The following ROBO2 variants were observed in gnomAD, a reference collection of about 807,000 sequenced individuals.
The protein encoded by ROBO2 is roundabout guidance receptor 2.
ROBO2 carries 53 observed loss-of-function variants against 160.8 expected under a neutral mutation model. The ratio of observed to expected loss-of-function variants is 0.33; its 90% confidence interval spans 0.26 to 0.41. The LOEUF is 0.41. Ranked by LOEUF, ROBO2 falls within the 10% of genes least tolerant of loss-of-function variation. The pLI is 1.00. For missense variants in ROBO2, 1,577 were observed against 1,722.4 expected, an observed-to-expected ratio of 0.92 and a Z score of 1.49; for synonymous variants, 664 against 611.7, an observed-to-expected ratio of 1.09 and a Z score of -1.26.
chr3:77,086,604 C>T lies in ROBO2; in HGVS notation c.62-11410C>T, dbSNP rs552281416. On this transcript the variant is annotated intron_variant, in intron 1 of 25. Coordinates refer to ENST00000461745, the Ensembl canonical transcript of ROBO2. ...AAACCAATCCATGATTTATGAATCA[C>T]ATTTTTACAAATAATGGAGTAATGC... Among the ~76,000 whole-genome samples the T allele has an allele frequency of 2.6e-5, 4 of 152,240 alleles. No homozygotes were observed. The South Asian group carries it at 8.3e-4, about 32-fold the overall frequency.
chr3:76,377,000 T>C (rs2076380804), intron 2 of ROBO2, among the ~76,000 whole-genome samples: 1 of 152,166 alleles, frequency 6.6e-6, no homozygotes, highest in East Asian at 1.9e-4. Context: ...GCTACATGAT[T>C]GGCAATTTTG....
chr3:77,507,320 C>T (rs187553195), intron 5 of ROBO2, among the ~76,000 whole-genome samples: 1 of 152,286 alleles, frequency 6.6e-6, no homozygotes, highest in East Asian at 1.9e-4. Flanking sequence ...AGTCACTTCC[C>T]CAGCTAGTTC....
chr3:76,725,098 A>G (rs1443612924), intron 2 of ROBO2, among the ~76,000 whole-genome samples: 1 of 152,196 alleles, frequency 6.6e-6, no homozygotes, highest in Non-Finnish European at 1.5e-5. Flanking sequence ...ACTGTGAGAA[A>G]ATAAGTTTGT....
chr3:76,444,567 C>G (rs2077078161), intron 2 of ROBO2, among the ~76,000 whole-genome samples: 4 of 152,064 alleles, frequency 2.6e-5, no homozygotes, highest in Admixed American at 1.3e-4. Flanking sequence ...CTTCACTAGT[C>G]AAGGGGAAAG....
chr3:77,337,450 A>T (rs2066604402), intron 2 of ROBO2, among the ~76,000 whole-genome samples: 1 of 152,182 alleles, frequency 6.6e-6, no homozygotes, highest in Non-Finnish European at 1.5e-5. Context: ...AAGGCTGCTC[A>T]AGTTCAAAAA....
intron 2 of ROBO2, among the ~76,000 whole-genome samples, chr3:77,265,189 TC>T (rs1446756378): frequency 6.6e-6 from 1 of 152,126 alleles, no homozygotes; most frequent in Non-Finnish European, 1.5e-5. Flanking sequence ...TATCACATTA[TC>T]CCCATTTTCC....
chr3:75,910,889 CTA>C (rs1946547962), intron 1 of ROBO2, among the ~76,000 whole-genome samples: 1 of 151,676 alleles, frequency 6.6e-6, no homozygotes. Flanking sequence ...ACTTGTTGAA[CTA>C]TGTTTTTAAA....
intron 2 of ROBO2, among the ~76,000 whole-genome samples, chr3:76,566,235 T>G (rs76974287): frequency 0.039 from 5,941 of 152,248 alleles, 311 homozygotes; most frequent in African/African-American, 0.12. Flanking sequence ...AGAATAATCA[T>G]GTCTGCAAGG....
chr3:77,195,811 C>T (rs182260780), intron 2 of ROBO2, among the ~76,000 whole-genome samples: 1 of 152,290 alleles, frequency 6.6e-6, no homozygotes, highest in East Asian at 1.9e-4. Flanking sequence ...TCTTTCAGGT[C>T]CGTCTCCCCA....
intron 2 of ROBO2, among the ~76,000 whole-genome samples, chr3:77,395,756 G>C (rs935348838): frequency 2.6e-5 from 4 of 151,938 alleles, no homozygotes; most frequent in Non-Finnish European, 5.9e-5. Flanking sequence ...GAATTTTTAA[G>C]GGAATTTAAT....
chr3:76,828,645 T>C (rs2066792338), intron 2 of ROBO2, among the ~76,000 whole-genome samples: 1 of 152,176 alleles, frequency 6.6e-6, no homozygotes, highest in Non-Finnish European at 1.5e-5. Flanking sequence ...CTAGGCTCTT[T>C]AAAGCATCAT....
At chr3:76,702,430 A>G (rs975961475) in intron 2 of ROBO2, among the ~76,000 whole-genome samples, 4 of 151,948 alleles carry the variant, frequency 2.6e-5, no homozygotes, top group Non-Finnish European at 4.4e-5. Flanking sequence ...GGAAAAATCA[A>G]TTGAGGTTCA....
chr3:75,951,439 C>A (rs1319229809), intron 2 of ROBO2, among the ~76,000 whole-genome samples: 1 of 152,014 alleles, frequency 6.6e-6, no homozygotes, highest in Non-Finnish European at 1.5e-5. Context: ...AATGCCAAAA[C>A]AATTTTTAGC....
chr3:76,131,457 T>C (rs867456543), intron 2 of ROBO2, among the ~76,000 whole-genome samples: 4 of 152,058 alleles, frequency 2.6e-5, no homozygotes, highest in African/African-American at 9.7e-5. Context: ...CACAAGAAGT[T>C]GTTGAGGAGT....
At chr3:77,090,301 T>C (rs2069972968) in intron 1 of ROBO2, among the ~76,000 whole-genome samples, 1 of 149,900 alleles carries the variant, frequency 6.7e-6, no homozygotes, top group African/African-American at 2.4e-5. Flanking sequence ...ATATATGATT[T>C]CTTTTAATCT....
At chr3:77,112,715 A>T (rs1368803082) in intron 2 of ROBO2, among the ~76,000 whole-genome samples, 1 of 152,220 alleles carries the variant, frequency 6.6e-6, no homozygotes, top group Non-Finnish European at 1.5e-5. Flanking sequence ...CTTAAGAAAG[A>T]AAAGGATCAG....
intron 2 of ROBO2, among the ~76,000 whole-genome samples, chr3:77,376,969 T>G (rs534383625): frequency 3.9e-4 from 59 of 152,314 alleles, no homozygotes; most frequent in African/African-American, 1.3e-3. Context: ...CACCTAAAAT[T>G]ATTTCCTCAT....
intron 2 of ROBO2, among the ~76,000 whole-genome samples, chr3:77,391,700 C>G (rs980043921): frequency 6.6e-6 from 1 of 151,844 alleles, no homozygotes; most frequent in African/African-American, 2.4e-5. Flanking sequence ...GATGCCATAC[C>G]TCATGAAAAA....
intron 2 of ROBO2, among the ~76,000 whole-genome samples, chr3:76,514,196 C>T (rs1197123310): frequency 6.6e-6 from 1 of 152,146 alleles, no homozygotes; most frequent in African/African-American, 2.4e-5. Flanking sequence ...TATCATTTCA[C>T]ATGTTGCTCT....
Sources: allele counts gnomAD v4.1 joint callset (sites outside exome capture counted in the v4.1 genomes callset), GRCh38; gene constraint gnomAD v4.1.1; transcripts MANE v1.5; gene names NCBI Gene and HGNC (gene_info 2026-07-23, HGNC 2026-07-21).